The following TIAL1 variants were observed in gnomAD, a reference collection of about 807,000 sequenced individuals.
TIAL1 encodes the protein TIA1 cytotoxic granule associated RNA binding protein like 1.
A neutral mutation model predicts 59.7 loss-of-function variants in TIAL1; 7 were observed. The ratio of observed to expected loss-of-function variants is 0.12; its 90% confidence interval spans 0.07 to 0.22. The LOEUF is 0.22. Among genes scored for constraint, TIAL1 ranks in the 10% least tolerant of loss-of-function variants. The pLI is 1.00. For synonymous variants in TIAL1, 149 were observed against 146.3 expected (o/e 1.02, Z -0.13); for missense variants, 225 against 462.5 (o/e 0.49, Z 4.71).
chr10:119,576,615 C>T lies in TIAL1; in HGVS notation c.997G>A (p.Val333Ile). The change falls in exon 11 of 12, where the codon GTA becomes ATA. Residue 333 changes from valine to isoleucine, a missense_variant. By Grantham distance (29) the Val-to-Ile change is conservative (BLOSUM62 3). Coordinates refer to ENST00000436547, the MANE Select transcript of TIAL1 (RefSeq NM_003252.4). ...GGAAAAACCCAAACAACTTACTCTACTCCAAATCCTTGTTGATTCCATGGT... is the reference window on the plus strand; with the variant it reads ...GGAAAAACCCAAACAACTTACTCTATTCCAAATCCTTGTTGATTCCATGGT... ...GQPWNQQGFG[V>I]DQSPSAAWMG... is the part of the protein sequence containing the mutation. The T allele has an allele frequency of 6.2e-7, 1 of 1,613,850 alleles. No homozygotes were observed. Among genetic ancestry groups the T allele is most frequent in the Non-Finnish European group, 8.5e-7 (1 of 1,179,940 alleles).
chr10:119,575,729 G>A lies in TIAL1; in HGVS notation c.1064C>T (p.Pro355Leu). The A allele has an allele frequency of 1.2e-6, 2 of 1,610,354 alleles. No homozygotes were observed. Among genetic ancestry groups the A allele is most frequent in the Non-Finnish European group, 1.7e-6 (2 of 1,178,390 alleles). The change falls in exon 12 of 12, where the codon CCT becomes CTT. Residue 355 changes from proline (P) to leucine (L), a missense_variant. Physicochemically the swap from Pro to Leu is moderately conservative, Grantham distance 98. Around this residue, in one of 4 missense-constraint regions of TIAL1, gnomAD observed 68 missense variants for 71.3 expected, o/e 0.95. Transcript: ENST00000436547. ...FGAQPPQGQAPPPVIPPPNQA... is the reference protein window; with the variant it reads ...FGAQPPQGQALPPVIPPPNQA... ...GTTAGGAGGAGGTATTACAGGGGGA[G>A]GAGCTTGTCCTTGGGGAGGCTGAGC...
chr10:119,584,488 T>C (rs150285772), intron 2 of TIAL1, among the ~76,000 whole-genome samples: 1,538 of 152,252 alleles, frequency 0.01, 30 homozygotes, highest in African/African-American at 0.036. Flanking sequence ...CTAGAGTTTA[T>C]ACCCTCTGGA....
Position 119,588,256 on chromosome 10 carries a change from A to C in TIAL1, c.33-8T>G. 1 of 1,541,648 alleles carries C rather than the reference A, an allele frequency of 6.5e-7. No individual in the cohort carries two copies. Among genetic ancestry groups the C allele is most frequent in the South Asian group, 1.2e-5 (1 of 81,502 alleles). On this transcript the variant is annotated splice_region_variant and splice_polypyrimidine_tract_variant and intron_variant, in intron 1 of 11. Coordinates refer to ENST00000436547, the MANE Select transcript of TIAL1 (RefSeq NM_003252.4). The stretch of plus-strand genomic sequence containing the variant: ...GAAAGGTTACCTACGTATCTGCACA[A>C]GAAAAAAATACGTTATCAGCAATTT...
In TIAL1 at chr10:119,578,839, G is replaced by A; in HGVS notation, c.448-5C>T. The A allele has an allele frequency of 6.2e-7, 1 of 1,610,256 alleles. No homozygotes were observed. Reference sequence around the variant, plus strand: ...CACAATCGCATTTTCTGCATCCTATGGATAAAAAAGAAAGCACAATCACAA... The same window carrying A: ...CACAATCGCATTTTCTGCATCCTATAGATAAAAAAGAAAGCACAATCACAA... On this transcript the variant is annotated splice_region_variant and splice_polypyrimidine_tract_variant and intron_variant, in intron 6 of 11. Transcript: ENST00000436547.
chr10:119,577,299 G>T (rs1845049443), intron 9 of TIAL1, 96 bp from the exon 10 acceptor site: 5 of 1,480,294 alleles, frequency 3.4e-6, no homozygotes, highest in Non-Finnish European at 4.5e-6. Flanking sequence ...CTGCAAGTTG[G>T]TATTTTTTTT....
intron 1 of TIAL1, among the ~76,000 whole-genome samples, chr10:119,590,581 G>A (rs561744101): frequency 2.6e-5 from 4 of 151,994 alleles, no homozygotes; most frequent in East Asian, 1.9e-4. Context: ...ATGGTGGCGC[G>A]CACCTATAAT....
At chr10:119,588,616 T>A (rs986858250) in intron 1 of TIAL1, among the ~76,000 whole-genome samples, 3 of 152,212 alleles carry the variant, frequency 2.0e-5, no homozygotes, top group Admixed American at 6.5e-5. Flanking sequence ...AGTGCTGGAA[T>A]TACAAGCGTG....
chr10:119,587,514 G>A (rs923299265), intron 2 of TIAL1, among the ~76,000 whole-genome samples: 3 of 152,034 alleles, frequency 2.0e-5, no homozygotes, highest in African/African-American at 7.2e-5. Flanking sequence ...CTAAGTGCCT[G>A]CTAACTCCTT....
intron 7 of TIAL1, among the ~76,000 whole-genome samples, chr10:119,578,151 C>T (rs12247834): frequency 3.6e-5 from 5 of 140,734 alleles, no homozygotes; most frequent in Admixed American, 7.9e-5. Flanking sequence ...CTTGAACCTG[C>T]GAGGCGGAGG....
intron 6 of TIAL1, chr10:119,579,044 T>C: frequency 1.8e-6 from 1 of 563,392 alleles, no homozygotes; most frequent in Non-Finnish European, 3.2e-6. Flanking sequence ...ACTCTGGCCC[T>C]TTATCTTACC....
At chr10:119,577,784 G>C (rs902763530) in intron 7 of TIAL1, 48 bp from the exon 8 acceptor site, 2 of 1,476,832 alleles carry the variant, frequency 1.4e-6, no homozygotes, top group Non-Finnish European at 1.9e-6. Context: ...ATTGTACTAT[G>C]AAACTCTTCT....
At chr10:119,577,600 A>C in intron 8 of TIAL1, 41 bp downstream of exon 8, 1 of 1,607,610 alleles carries the variant, frequency 6.2e-7, no homozygotes, top group Non-Finnish European at 8.5e-7. Context: ...ATGAACAGTG[A>C]TGAAGCTCCT....
rs1564734496 is a variant in TIAL1, at chr10:119,578,838, T to C, written c.448-4A>G. 1 of 1,612,054 alleles carries C rather than the reference T, an allele frequency of 6.2e-7. No homozygotes were observed. Among genetic ancestry groups the C allele is most frequent in the Non-Finnish European group, 8.5e-7 (1 of 1,178,376 alleles). ...GCACAATCGCATTTTCTGCATCCTATGGATAAAAAAGAAAGCACAATCACA... is the reference window on the plus strand; with the variant it reads ...GCACAATCGCATTTTCTGCATCCTACGGATAAAAAAGAAAGCACAATCACA... On this transcript the variant is annotated splice_region_variant and splice_polypyrimidine_tract_variant and intron_variant, in intron 6 of 11. Coordinates refer to ENST00000436547, the MANE Select transcript of TIAL1 (RefSeq NM_003252.4).
chr10:119,586,301 G>A (rs1052212512), intron 2 of TIAL1, among the ~76,000 whole-genome samples: 1 of 152,170 alleles, frequency 6.6e-6, no homozygotes, highest in East Asian at 1.9e-4. Flanking sequence ...GAATCTTAGG[G>A]TATTTCCTGA....
At chr10:119,592,894 G>C (rs548870305) in intron 1 of TIAL1, among the ~76,000 whole-genome samples, 1 of 152,262 alleles carries the variant, frequency 6.6e-6, no homozygotes, top group Non-Finnish European at 1.5e-5. Context: ...GGTATAGCCA[G>C]TCAATTTTGT....
chr10:119,593,261 A>G (rs1845983178), intron 1 of TIAL1, among the ~76,000 whole-genome samples: 1 of 152,186 alleles, frequency 6.6e-6, no homozygotes, highest in South Asian at 2.1e-4. Context: ...GTTTTTTTAG[A>G]TCACAAGTTA....
chr10:119,596,362 C>T, intron 1 of TIAL1, 72 bp downstream of exon 1: 2 of 1,576,090 alleles, frequency 1.3e-6, no homozygotes, highest in Non-Finnish European at 1.7e-6. Context: ...CCAGTCTCTC[C>T]TGCTCCCTCC....
At chr10:119,590,798 AAG>A (rs1033228841) in intron 1 of TIAL1, among the ~76,000 whole-genome samples, 57 of 151,658 alleles carry the variant, frequency 3.8e-4, no homozygotes, top group African/African-American at 1.3e-3. Context: ...GAAAGAAAGA[AAG>A]AAAGAAAGAA....
chr10:119,585,192 T>C (rs1408811282), intron 2 of TIAL1, among the ~76,000 whole-genome samples: 1 of 150,996 alleles, frequency 6.6e-6, no homozygotes, highest in African/African-American at 2.4e-5. Context: ...ATCTCAGCAC[T>C]TTAGGAGGAT....
Sources: gnomAD v4.1 joint callset for allele counts (sites outside exome capture counted in the v4.1 genomes callset) on GRCh38, gnomAD v4.1.1 for gene constraint, gnomAD v4.1.1 regional missense constraint, MANE v1.5 for transcripts, NCBI Gene and HGNC (gene_info 2026-07-23, HGNC 2026-07-21) for gene names.